MYO10: variants seen among roughly 807,000 people sequenced by gnomAD.
The protein encoded by MYO10 is myosin X, also known as unconventional myosin-X.
MYO10 carries 133 observed loss-of-function variants against 257.3 expected under a neutral mutation model. The observed-to-expected ratio is 0.52, with a 90% CI of 0.45 to 0.60. The LOEUF (loss-of-function observed/expected upper bound fraction) is 0.60, where lower values mean the gene tolerates loss of function less well. Among genes scored for constraint, MYO10 ranks in the 20% least tolerant of loss-of-function variants. The probability of loss-of-function intolerance (pLI) is 0.00; values close to 1 mark genes in which losing one functional copy is unlikely to be tolerated. For missense variants in MYO10, 2,399 were observed against 2,635.7 expected (o/e 0.91, Z 1.97); for synonymous variants, 1,104 against 1,028.6 (o/e 1.07, Z -1.40).
chr5:16,685,874 G>A lies in MYO10; in HGVS notation c.3897-43C>T, dbSNP rs780558424. ...CAACTGTCAAGGAGAGGCCAACCTCGTACTGGCAAAGCAATAGTGCCCTAC... is the reference window on the plus strand; with the variant it reads ...CAACTGTCAAGGAGAGGCCAACCTCATACTGGCAAAGCAATAGTGCCCTAC... On this transcript the variant is annotated intron_variant, in intron 28 of 40. Coordinates refer to ENST00000513610, the MANE Select transcript of MYO10 (RefSeq NM_012334.3). The A allele has an allele frequency of 1.2e-4, 185 of 1,486,458 alleles. 1 individual carries two copies. Among genetic ancestry groups the A allele is most frequent in the East Asian group, 2.4e-4 (10 of 41,442 alleles). The allele number at this position is 1,486,458 out of a possible 1,614,324, so 92.1% of individuals were successfully genotyped here. A position where few individuals can be genotyped will look rare whatever the true frequency, so the allele number is the denominator to read the frequency against.
chr5:16,731,775 C>A (rs544088931), intron 19 of MYO10, among the ~76,000 whole-genome samples: 1 of 152,206 alleles, frequency 6.6e-6, no homozygotes, highest in South Asian at 2.1e-4. Context: ...CAGGAGGTGA[C>A]GGAGGCCACC....
intron 19 of MYO10, among the ~76,000 whole-genome samples, chr5:16,714,637 G>T (rs1738768683): frequency 6.6e-6 from 1 of 152,200 alleles, no homozygotes; most frequent in Non-Finnish European, 1.5e-5. Context: ...GGCTAACAGG[G>T]TGAAACCCCG....
At chr5:16,762,690 T>G (rs895903697) in intron 14 of MYO10, 53 bp from the exon 15 acceptor site, 1 of 1,353,126 alleles carries the variant, frequency 7.4e-7, no homozygotes, top group African/African-American at 1.4e-5. Context: ...GCTGGGTGCA[T>G]GGGTAGCTCA....
chr5:16,768,382 C>A (rs144281116), intron 10 of MYO10, among the ~76,000 whole-genome samples: 1 of 152,262 alleles, frequency 6.6e-6, no homozygotes, highest in Non-Finnish European at 1.5e-5. Context: ...AGCCAGCATA[C>A]TGGCTTGCAA....
At chr5:16,771,084 TAAAGAAAAAGCAATAATGGCAGG>T (rs1250044843) in intron 9 of MYO10, among the ~76,000 whole-genome samples, 2 of 151,910 alleles carry the variant, frequency 1.3e-5, no homozygotes, top group African/African-American at 4.8e-5. Context: ...AATTTCTTTA[TAAAGAAAAAGCAATAATGGCAGG>T]AAAGAAAAGG....
intron 19 of MYO10, among the ~76,000 whole-genome samples, chr5:16,716,070 T>A (rs31298): frequency 2.7e-5 from 4 of 149,476 alleles, no homozygotes; most frequent in African/African-American, 7.4e-5. Context: ...AAAAAAAAAG[T>A]ACATTAAGTA....
intron 39 of MYO10, among the ~76,000 whole-genome samples, chr5:16,669,018 C>T (rs561851285): frequency 2.3e-4 from 35 of 152,172 alleles, no homozygotes; most frequent in African/African-American, 7.2e-4. Flanking sequence ...AGGGACTTTA[C>T]CAGTTTAACT....
chr5:16,869,056 G>C (rs901850617), intron 2 of MYO10, among the ~76,000 whole-genome samples: 2 of 151,980 alleles, frequency 1.3e-5, no homozygotes, highest in African/African-American at 4.8e-5. Flanking sequence ...ACAGAGTCTC[G>C]CTCTGTCGCC....
At chr5:16,734,109 A>C (rs75157960) in intron 19 of MYO10, among the ~76,000 whole-genome samples, 2 of 78,494 alleles carry the variant, frequency 2.5e-5, no homozygotes, top group African/African-American at 6.2e-5. Context: ...AAAGGGATGC[A>C]AAAAAAAAAA....
rs1219269891 is a variant in MYO10 at position 16,935,794 on chromosome 5, G to A, written c.15C>T (p.Phe5=). 6.2e-7 allele frequency: 1 copy of A among 1,613,456 alleles called. No homozygotes were observed. The highest frequency in any genetic ancestry group is 1.1e-5 in the South Asian group (1 of 91,048). The part of the protein sequence containing the change: MDNF[F]TEGTRVWLRE... ...GGACTGGGAGCGCACTTACCTCGGT[G>A]AAGAAGTTATCCATTGTTCCAGCGC... is the stretch of plus-strand genomic sequence containing the variant. The change falls in exon 1 of 41, where the codon TTC becomes TTT. Residue 5 remains phenylalanine, a synonymous_variant. Coordinates refer to ENST00000513610, the MANE Select transcript of MYO10 (RefSeq NM_012334.3).
At chr5:16,679,372 C>T (rs908020007) in intron 33 of MYO10, among the ~76,000 whole-genome samples, 7 of 152,210 alleles carry the variant, frequency 4.6e-5, no homozygotes, top group Non-Finnish European at 2.9e-5. Flanking sequence ...CATCCTTCTG[C>T]CCACAGAACC....
chr5:16,772,009 A>C (rs1333940323), intron 9 of MYO10, among the ~76,000 whole-genome samples: 1 of 152,194 alleles, frequency 6.6e-6, no homozygotes, highest in East Asian at 1.9e-4. Context: ...TTTCAAGAAA[A>C]GAAAAAAAAC....
At chr5:16,674,259 G>A (rs1736616880) in intron 35 of MYO10, among the ~76,000 whole-genome samples, 1 of 152,154 alleles carries the variant, frequency 6.6e-6, no homozygotes, top group Admixed American at 6.5e-5. Flanking sequence ...CCTGAGGTCA[G>A]AAGTTCGAGA....
intron 26 of MYO10, among the ~76,000 whole-genome samples, chr5:16,695,228 G>T (rs1737687985): frequency 6.6e-6 from 1 of 152,168 alleles, no homozygotes; most frequent in Non-Finnish European, 1.5e-5. Context: ...CAGCTACTTG[G>T]GAGGCTGGGG....
chr5:16,728,780 G>C (rs956467286), intron 19 of MYO10, among the ~76,000 whole-genome samples: 1 of 152,202 alleles, frequency 6.6e-6, no homozygotes, highest in African/African-American at 2.4e-5. Flanking sequence ...GTCCTCGTGG[G>C]AAAACCAGAA....
At chr5:16,905,758 A>G (rs1745502692) in intron 1 of MYO10, among the ~76,000 whole-genome samples, 1 of 152,182 alleles carries the variant, frequency 6.6e-6, no homozygotes, top group Non-Finnish European at 1.5e-5. Context: ...GCCACCAGTA[A>G]AAGTAAGAAA....
chr5:16,887,245 G>C (rs566202280), intron 1 of MYO10, among the ~76,000 whole-genome samples: 1 of 152,182 alleles, frequency 6.6e-6, no homozygotes, highest in East Asian at 1.9e-4. Context: ...AAAAGTTTAC[G>C]ATAGTAAGAG....
intron 2 of MYO10, among the ~76,000 whole-genome samples, chr5:16,835,750 C>A (rs1180831755): frequency 6.7e-6 from 1 of 149,986 alleles, no homozygotes; most frequent in African/African-American, 2.5e-5. Flanking sequence ...AGGCAGAAGG[C>A]CAGAAAGAAG....
chr5:16,845,961 T>A (rs1295036777), intron 2 of MYO10, among the ~76,000 whole-genome samples: 1 of 151,078 alleles, frequency 6.6e-6, no homozygotes, highest in Non-Finnish European at 1.5e-5. Context: ...AGACTCTGTC[T>A]CAAAAAAAAA....
Sources: allele counts gnomAD v4.1 joint callset (sites outside exome capture counted in the v4.1 genomes callset), GRCh38; gene constraint gnomAD v4.1.1; transcripts MANE v1.5; gene names NCBI Gene and HGNC (gene_info 2026-07-23, HGNC 2026-07-21).